Variants in RPS6KC1 observed in about 807,000 individuals in gnomAD.
The protein encoded by RPS6KC1 is ribosomal protein S6 kinase C1.
Under a neutral mutation model 103.8 loss-of-function variants are expected in RPS6KC1, and 54 were observed. That is an observed-to-expected ratio of 0.52 (90% confidence interval 0.42 to 0.65). The LOEUF (loss-of-function observed/expected upper bound fraction) is 0.65. RPS6KC1 is among the 30% of genes least tolerant of loss of function. RPS6KC1 has a pLI of 0.00. For synonymous variants in RPS6KC1, 439 were observed against 438.7 expected, an observed-to-expected ratio of 1.00 and a Z score of -0.01; for missense variants, 1,151 against 1,253.8, an observed-to-expected ratio of 0.92 and a Z score of 1.24.
At chr1:213,060,500 C>T (rs1001067299) in intron 1 of RPS6KC1, among the ~76,000 whole-genome samples, 1 of 152,112 alleles carries the variant, frequency 6.6e-6, no homozygotes, top group Non-Finnish European at 1.5e-5. Flanking sequence ...TAGTTTTATT[C>T]TACTGTTCCT....
the RPS6KC1 span, among the ~76,000 whole-genome samples, chr1:213,414,810 T>TG: frequency 1.9e-5 from 1 of 52,250 alleles, no homozygotes; most frequent in African/African-American, 7.5e-5. Flanking sequence ...GGGTTTTAGT[T>TG]GGGGGGCAGG....
the RPS6KC1 span, among the ~76,000 whole-genome samples, chr1:213,708,951 G>A: frequency 3.5e-4 from 54 of 152,254 alleles, no homozygotes; most frequent in East Asian, 1.2e-3. Context: ...GATTCGGTTC[G>A]CCAGTATTTT....
At chr1:213,429,221 G>A in the RPS6KC1 span, 2 of 152,984 alleles carry the variant, frequency 1.3e-5, no homozygotes, top group Non-Finnish European at 2.9e-5. Context: ...CACAGTCACA[G>A]CTCACTGCAA....
chr1:213,607,426 A>G, the RPS6KC1 span, among the ~76,000 whole-genome samples: 1 of 152,182 alleles, frequency 6.6e-6, no homozygotes. Context: ...GTTAAGTCAC[A>G]TGGTTTTACT....
the RPS6KC1 span, among the ~76,000 whole-genome samples, chr1:213,621,048 G>C: frequency 6.6e-6 from 1 of 152,122 alleles, no homozygotes; most frequent in African/African-American, 2.4e-5. Context: ...TGTCCAGTAA[G>C]TAACCCTAGC....
At chr1:213,778,953 C>T in the RPS6KC1 span, among the ~76,000 whole-genome samples, 1 of 152,120 alleles carries the variant, frequency 6.6e-6, no homozygotes, top group Non-Finnish European at 1.5e-5. Context: ...AACACTTTCC[C>T]AAGCACACCA....
At chr1:213,199,035 A>C (rs1252835912) in intron 8 of RPS6KC1, among the ~76,000 whole-genome samples, 1 of 152,224 alleles carries the variant, frequency 6.6e-6, no homozygotes, top group African/African-American at 2.4e-5. Flanking sequence ...CCAGGACCAG[A>C]TGGATTCACA....
the RPS6KC1 span, among the ~76,000 whole-genome samples, chr1:213,700,423 A>G: frequency 6.6e-6 from 1 of 152,064 alleles, no homozygotes; most frequent in African/African-American, 2.4e-5. Context: ...TTTTTATGCC[A>G]GTAACATGCT....
chr1:213,204,379 TATTA>T (rs1220125521), intron 8 of RPS6KC1, among the ~76,000 whole-genome samples: 2 of 152,232 alleles, frequency 1.3e-5, no homozygotes, highest in South Asian at 2.1e-4. Context: ...CCTTTGATGC[TATTA>T]ATTAGTTTCT....
At chr1:213,555,736 T>C in the RPS6KC1 span, among the ~76,000 whole-genome samples, 7 of 152,224 alleles carry the variant, frequency 4.6e-5, no homozygotes, top group Non-Finnish European at 8.8e-5. Flanking sequence ...GGAGATACTA[T>C]TTTGGATTTT....
At chr1:213,292,887 A>G in the RPS6KC1 span, among the ~76,000 whole-genome samples, 1 of 152,186 alleles carries the variant, frequency 6.6e-6, no homozygotes, top group East Asian at 1.9e-4. Context: ...AAAGGAGAAA[A>G]AGAAAGAAAG....
At chr1:213,386,635 A>G in the RPS6KC1 span, among the ~76,000 whole-genome samples, 1 of 152,114 alleles carries the variant, frequency 6.6e-6, no homozygotes, top group South Asian at 2.1e-4. Flanking sequence ...CCTCTTTCAC[A>G]CAGCCTCTTC....
the RPS6KC1 span, among the ~76,000 whole-genome samples, chr1:213,552,457 T>C: frequency 6.6e-6 from 1 of 152,228 alleles, no homozygotes; most frequent in Non-Finnish European, 1.5e-5. Context: ...TACATTTCCC[T>C]AATAACATGA....
intron 8 of RPS6KC1, among the ~76,000 whole-genome samples, chr1:213,187,119 C>T (rs2092565120): frequency 6.6e-6 from 1 of 152,082 alleles, no homozygotes; most frequent in South Asian, 2.1e-4. Flanking sequence ...CCAGACTGGT[C>T]TTGAACTCCT....
At chr1:213,212,209 C>T (rs921741587) in intron 8 of RPS6KC1, among the ~76,000 whole-genome samples, 1 of 152,090 alleles carries the variant, frequency 6.6e-6, no homozygotes, top group Non-Finnish European at 1.5e-5. Context: ...TTTCACTACC[C>T]TAAAAATCTC....
the RPS6KC1 span, among the ~76,000 whole-genome samples, chr1:213,439,144 C>T: frequency 6.6e-6 from 1 of 152,122 alleles, no homozygotes; most frequent in South Asian, 2.1e-4. Context: ...TGAATTCCAA[C>T]TTTTGTATTC....
the RPS6KC1 span, among the ~76,000 whole-genome samples, chr1:213,735,523 G>A: frequency 6.6e-6 from 1 of 152,190 alleles, no homozygotes; most frequent in Admixed American, 6.5e-5. Flanking sequence ...TATGAGGTTG[G>A]CCTACAATGT....
chr1:213,395,257 G>T, the RPS6KC1 span, among the ~76,000 whole-genome samples: 5 of 152,290 alleles, frequency 3.3e-5, no homozygotes, highest in Middle Eastern at 3.4e-3. Context: ...ATATCCAGCT[G>T]CAGGGTTCTC....
the RPS6KC1 span, among the ~76,000 whole-genome samples, chr1:213,830,575 A>G: frequency 6.6e-6 from 1 of 151,466 alleles, no homozygotes; most frequent in Non-Finnish European, 1.5e-5. Context: ...CTGTGCCCTT[A>G]CTTGCCCCTC....
Sources: allele counts gnomAD v4.1 joint callset (sites outside exome capture counted in the v4.1 genomes callset), GRCh38; gene constraint gnomAD v4.1.1; transcripts MANE v1.5; gene names NCBI Gene and HGNC (gene_info 2026-07-23, HGNC 2026-07-21).